NCOA3: variants seen among roughly 807,000 people sequenced by gnomAD.
NCOA3 encodes CBP-interacting protein.
In NCOA3, 51 loss-of-function variants were observed where a neutral mutation model predicts 158.8. The ratio of observed to expected loss-of-function variants is 0.32; its 90% CI spans 0.26 to 0.41. The LOEUF is 0.41. Ranked by LOEUF, NCOA3 falls within the 10% of genes least tolerant of loss-of-function variation. NCOA3 has a pLI of 1.00. For missense variants in NCOA3, 1,510 were observed against 1,746.6 expected (o/e 0.86, Z 2.41); for synonymous variants, 537 against 592.4 (o/e 0.91, Z 1.36).
chr20:47,641,880 T>C (rs365602), intron 16 of NCOA3, among the ~76,000 whole-genome samples: 140,673 of 152,052 alleles, frequency 0.93, 65,209 homozygotes, highest in East Asian at 0.98. Context: ...TCACTGTTTT[T>C]GTGAGGAGTA....
At chr20:47,536,398 G>A (rs2084632944) in intron 1 of NCOA3, among the ~76,000 whole-genome samples, 2 of 152,174 alleles carry the variant, frequency 1.3e-5, no homozygotes, top group African/African-American at 2.4e-5. Context: ...TCCGGCCAGT[G>A]AATGTTAATG....
intron 2 of NCOA3, among the ~76,000 whole-genome samples, chr20:47,596,597 T>G (rs2085760143): frequency 6.6e-6 from 1 of 152,232 alleles, no homozygotes; most frequent in Admixed American, 6.5e-5. Context: ...TTTCTTTTTT[T>G]AAATTTTAGA....
In NCOA3 at chr20:47,572,532, C is replaced by A. The variant is rs1045252667; in HGVS notation, c.-98-10651C>A. Among the ~76,000 whole-genome samples the A allele has an allele frequency of 3.3e-5, 5 of 151,680 alleles. No individual in the cohort carries two copies. In the South Asian group the frequency reaches 6.2e-4, roughly 19 times the overall value. ...TCACTAAGCTTAATCATTTCTAGCCCCCCCCACCTGCCTTTTTTTTTTATG... is the reference window on the plus strand; with the variant it reads ...TCACTAAGCTTAATCATTTCTAGCCACCCCCACCTGCCTTTTTTTTTTATG... On this transcript the variant is annotated intron_variant, in intron 1 of 22. Transcript: ENST00000371998.
At chr20:47,588,723 TTTTA>T (rs1457228218) in intron 2 of NCOA3, among the ~76,000 whole-genome samples, 2 of 152,068 alleles carry the variant, frequency 1.3e-5, no homozygotes, top group Non-Finnish European at 1.5e-5. Flanking sequence ...TATCTGTATG[TTTTA>T]TTTATTTATT....
chr20:47,519,371 A>G (rs1354307461), intron 1 of NCOA3, among the ~76,000 whole-genome samples: 1 of 150,564 alleles, frequency 6.6e-6, no homozygotes, highest in Non-Finnish European at 1.5e-5. Context: ...GGCCGAGACT[A>G]CAGTGAGTCA....
intron 2 of NCOA3, among the ~76,000 whole-genome samples, chr20:47,594,085 T>G (rs2146245215): frequency 6.6e-6 from 1 of 152,334 alleles, no homozygotes; most frequent in South Asian, 2.1e-4. Context: ...TATTGCCTTA[T>G]GTATAAAAAT....
chr20:47,504,606 C>T (rs1031923717), intron 1 of NCOA3, among the ~76,000 whole-genome samples: 5 of 149,632 alleles, frequency 3.3e-5, no homozygotes, highest in Non-Finnish European at 7.4e-5. Flanking sequence ...AGTTTGAGAA[C>T]AGCCTGGCAA....
chr20:47,520,972 A>G (rs2084322544), intron 1 of NCOA3, among the ~76,000 whole-genome samples: 1 of 152,242 alleles, frequency 6.6e-6, no homozygotes, highest in South Asian at 2.1e-4. Flanking sequence ...CAACACCGCA[A>G]GTACGGTTGT....
intron 18 of NCOA3, 34 bp downstream of exon 18, chr20:47,647,400 C>G (rs1568755220): frequency 6.3e-7 from 1 of 1,591,076 alleles, no homozygotes. Flanking sequence ...TCTGGCTTCT[C>G]CTTCTGTTGT....
intron 1 of NCOA3, among the ~76,000 whole-genome samples, chr20:47,534,418 A>G (rs1319474148): frequency 4.6e-5 from 7 of 152,322 alleles, no homozygotes; most frequent in Middle Eastern, 3.4e-3. Context: ...TTTCACTAGC[A>G]TTAGTCTCCC....
intron 2 of NCOA3, among the ~76,000 whole-genome samples, chr20:47,618,097 C>T (rs2086168991): frequency 1.3e-5 from 2 of 152,004 alleles, no homozygotes; most frequent in Non-Finnish European, 2.9e-5. Context: ...ATTAGCCAGG[C>T]GTGGTGGCAC....
intron 13 of NCOA3, among the ~76,000 whole-genome samples, chr20:47,638,328 T>G (rs2086549982): frequency 6.6e-6 from 1 of 152,222 alleles, no homozygotes. Flanking sequence ...GAGAATCGCT[T>G]GAACCTGGGA....
At position 47,635,333 on chromosome 20, in the gene NCOA3, G is replaced by T; in HGVS notation, c.1124G>T (p.Gly375Val). 2 of 1,599,112 alleles carry T rather than the reference G, an allele frequency of 1.3e-6. No individual in the cohort carries two copies. The highest frequency in any genetic ancestry group is 1.7e-6 in the Non-Finnish European group (2 of 1,167,922). The change falls in exon 11 of 23, where the codon GGA becomes GTA. Residue 375 changes from glycine (G) to valine (V), a missense_variant. Around this residue, in one of 4 missense-constraint regions of NCOA3, gnomAD observed 1,017 missense variants for 1,098.3 expected, o/e 0.93. Transcript: ENST00000371998. ...STHFLQREQN[G>V]YRPNPNPVGQ... Reference sequence around the variant, plus strand: ...TGTTTGTTTTGCAGAGAACAGAATGGATATAGACCAAACCCAAATCCTGTT... The same window carrying T: ...TGTTTGTTTTGCAGAGAACAGAATGTATATAGACCAAACCCAAATCCTGTT...
chr20:47,646,155 CAT>C (rs1169873289), intron 17 of NCOA3, among the ~76,000 whole-genome samples: 1 of 152,198 alleles, frequency 6.6e-6, no homozygotes. Context: ...CATCCTCCCA[CAT>C]AGTTTAAATC....
At chr20:47,595,310 C>T (rs1250409591) in intron 2 of NCOA3, among the ~76,000 whole-genome samples, 2 of 152,140 alleles carry the variant, frequency 1.3e-5, no homozygotes, top group Admixed American at 6.5e-5. Context: ...GTTGGCCAGG[C>T]TGGTCTCAAA....
intron 1 of NCOA3, among the ~76,000 whole-genome samples, chr20:47,529,679 G>A (rs2084514830): frequency 6.6e-6 from 1 of 152,200 alleles, no homozygotes. Context: ...TCAAAGTGTT[G>A]TGATTACAGG....
At chr20:47,622,419 G>C in intron 3 of NCOA3, 89 bp downstream of exon 3, 1 of 899,180 alleles carries the variant, frequency 1.1e-6, no homozygotes, top group Non-Finnish European at 1.7e-6. Flanking sequence ...TACATTCTCT[G>C]GTTAGATTTT....
At chr20:47,598,631 C>A (rs1464776765) in intron 2 of NCOA3, among the ~76,000 whole-genome samples, 1 of 152,222 alleles carries the variant, frequency 6.6e-6, no homozygotes, top group Non-Finnish European at 1.5e-5. Flanking sequence ...GCCACCACAC[C>A]TGGCTGAAAC....
Position 47,656,785 on chromosome 20 carries a change from A to C in NCOA3, c.*3368A>C, listed in dbSNP as rs2086885856. ...CTTTATCTTGCAAAGAATTGAAACC[A>C]CATGAAATGACTTATGGGGGATGGT... On this transcript the variant is annotated 3_prime_UTR_variant, in exon 23 of 23. Coordinates refer to ENST00000371998, the MANE Select transcript of NCOA3 (RefSeq NM_181659.3). 6.6e-6 allele frequency: 1 copy of C among 152,432 alleles called. No homozygotes were observed. The highest frequency in any genetic ancestry group is 6.5e-5 in the Admixed American group (1 of 15,268). 9.4% of individuals were successfully genotyped at this position (152,432 alleles called of 1,614,324 possible). A position where few individuals can be genotyped will look rare whatever the true frequency, so the allele number is the denominator to read the frequency against.
Sources: gnomAD v4.1 joint callset for allele counts (sites outside exome capture counted in the v4.1 genomes callset) on GRCh38, gnomAD v4.1.1 for gene constraint, gnomAD v4.1.1 regional missense constraint, MANE v1.5 for transcripts, NCBI Gene and HGNC (gene_info 2026-07-23, HGNC 2026-07-21) for gene names.